EML5: variants seen among roughly 807,000 people sequenced by gnomAD.
EML5 encodes the protein echinoderm microtubule-associated protein-like 5.
A neutral mutation model predicts 250.0 loss-of-function variants in EML5; 120 were observed. That is an observed-to-expected ratio of 0.48 (90% CI 0.41 to 0.56). The LOEUF (loss-of-function observed/expected upper bound fraction) is 0.56. Among genes scored for constraint, EML5 ranks in the 20% least tolerant of loss-of-function variants. The probability of loss-of-function intolerance (pLI) is 0.00; values close to 1 mark genes in which losing one functional copy is unlikely to be tolerated. For synonymous variants in EML5, 771 were observed against 806.5 expected (o/e 0.96, Z 0.75); for missense variants, 2,006 against 2,437.6 (o/e 0.82, Z 3.73).
intron 37 of EML5, 81 bp downstream of exon 37, chr14:88,622,523 A>G (rs1419954891): frequency 1.8e-6 from 2 of 1,109,342 alleles, no homozygotes; most frequent in Non-Finnish European, 2.5e-6. Flanking sequence ...ATTGTTCATT[A>G]GGCTGCAAAG....
intron 20 of EML5, 92 bp from the exon 21 acceptor site, chr14:88,682,123 A>G: frequency 8.1e-7 from 1 of 1,239,636 alleles, no homozygotes; most frequent in South Asian, 2.7e-5. Flanking sequence ...CCATTCAATA[A>G]TATATGATAA....
In EML5 at chr14:88,660,116, A is replaced by T. The variant is rs527851983; in HGVS notation, c.3675+1538T>A. ...CATCTGGAGACCCCATCTCTACAAA[A>T]AAAAATTTTTTTTTACATTAGCCAG... On this transcript the variant is annotated intron_variant, in intron 25 of 43. Transcript: ENST00000554922. 5.3e-5 allele frequency among the ~76,000 whole-genome samples: 8 copies of T among 152,038 alleles called. No individual in the cohort carries two copies. In the South Asian group the frequency reaches 1.5e-3, roughly 28 times the overall value.
At chr14:88,661,542 A>G in intron 25 of EML5, 112 bp downstream of exon 25, 1 of 961,190 alleles carries the variant, frequency 1.0e-6, no homozygotes, top group Non-Finnish European at 1.5e-6. Flanking sequence ...TTCATATTAC[A>G]ACATTACATA....
chr14:88,627,152 G>C (rs2090037417), intron 34 of EML5, 106 bp from the exon 35 acceptor site: 2 of 1,175,030 alleles, frequency 1.7e-6, no homozygotes, highest in Non-Finnish European at 2.5e-6. Flanking sequence ...AGGCTTAGAA[G>C]AGAGGCCAAT....
intron 1 of EML5, among the ~76,000 whole-genome samples, chr14:88,766,493 G>A (rs2094321964): frequency 6.6e-6 from 1 of 152,086 alleles, no homozygotes; most frequent in Non-Finnish European, 1.5e-5. Context: ...CAGGCTTATT[G>A]GGACGAGGAA....
intron 36 of EML5, chr14:88,623,526 T>C (rs897107942): frequency 6.6e-6 from 1 of 152,098 alleles, no homozygotes; most frequent in African/African-American, 2.4e-5. Context: ...GTTCAAGCGA[T>C]TCTTCTCCTT....
Position 88,702,495 on chromosome 14 carries a change from A to G in EML5, c.2189T>C (p.Ile730Thr). Residue 730 changes from isoleucine (I) to threonine (T), a missense_variant, in exon 14 of 44, where the codon ATT (isoleucine) becomes ACT (threonine). Ile to Thr is a moderately conservative substitution (Grantham distance 89, BLOSUM62 -1). Coordinates refer to ENST00000554922, the MANE Select transcript of EML5 (RefSeq NM_183387.3). Reference sequence around the variant, plus strand: ...CAAAGGATGAATAGTTAGGCAGAGAATATCATCATCATGACCCAGATAAAA... The same window carrying G: ...CAAAGGATGAATAGTTAGGCAGAGAGTATCATCATCATGACCCAGATAAAA... ...QRFYLGHDDDILCLTIHPLKD... is the reference protein window; with the variant it reads ...QRFYLGHDDDTLCLTIHPLKD... 1 of 1,613,538 alleles carries G rather than the reference A, an allele frequency of 6.2e-7. No individual in the cohort carries two copies.
Position 88,768,437 on chromosome 14 carries a change from G to A in EML5, c.198-13766C>T, listed in dbSNP as rs138348046. Reference sequence around the variant, plus strand: ...ATTGTCTTTTTTTTTTTGAGACAGAGTTTCGCTCTGTCACCCAGGCTGGAG... The same window carrying A: ...ATTGTCTTTTTTTTTTTGAGACAGAATTTCGCTCTGTCACCCAGGCTGGAG... On this transcript the variant is annotated intron_variant, in intron 1 of 43. Transcript: ENST00000554922. Among the ~76,000 whole-genome samples, 1,148 of 151,192 alleles carry A rather than the reference G, an allele frequency of 7.6e-3. 6 individuals carry two copies. The highest frequency in any genetic ancestry group is 0.011 in the Non-Finnish European group (733 of 67,838).
chr14:88,753,976 C>CA (rs578117755), intron 2 of EML5, among the ~76,000 whole-genome samples: 53 of 143,638 alleles, frequency 3.7e-4, no homozygotes, highest in African/African-American at 7.1e-4. Flanking sequence ...CCATCTCTAC[C>CA]AAAAAAAAAA....
chr14:88,726,477 A>T, intron 8 of EML5, 64 bp downstream of exon 8: 1 of 1,405,086 alleles, frequency 7.1e-7, no homozygotes, highest in Non-Finnish European at 9.5e-7. Context: ...GCTGAAGAGA[A>T]AATTACTTAT....
chr14:88,688,585 A>C, intron 17 of EML5, 112 bp from the exon 18 acceptor site: 2 of 1,073,742 alleles, frequency 1.9e-6, no homozygotes, highest in Non-Finnish European at 2.7e-6. Flanking sequence ...AAGGCATGCA[A>C]CAGTAAGGAG....
At chr14:88,734,641 C>T (rs1450535899) in intron 7 of EML5, among the ~76,000 whole-genome samples, 1 of 152,014 alleles carries the variant, frequency 6.6e-6, no homozygotes, top group Non-Finnish European at 1.5e-5. Context: ...CTAGAAAAAA[C>T]GGAGACTACA....
In EML5 at chr14:88,658,365, C is replaced by T. The variant is rs1397907398; in HGVS notation, c.3699G>A (p.Arg1233=). 1.2e-6 allele frequency: 2 copies of T among 1,600,066 alleles called. No individual in the cohort carries two copies. The highest frequency in any genetic ancestry group is 1.1e-5 in the South Asian group (1 of 87,230). ...PTKGKFGKFK[R]YVAHSTHVTN... ...TGACATGTGTACTATGGGCCACATA[C>T]CTCTTAAACTTTCCAAATTTCCCCT... The change falls in exon 26 of 44, where the codon AGG becomes AGA. Residue 1233 remains arginine, a synonymous_variant. Transcript: ENST00000554922.
At chr14:88,714,807 T>A (rs1314805262) in intron 9 of EML5, 132 bp downstream of exon 9, 1 of 806,798 alleles carries the variant, frequency 1.2e-6, no homozygotes, top group Non-Finnish European at 1.9e-6. Context: ...TAGAAAAGTC[T>A]ACAATGCCTG....
Position 88,792,946 on chromosome 14 carries a change from GCGAGC to G in EML5, c.-448_-444del, listed in dbSNP as rs760126982. 9.9e-5 allele frequency among the ~76,000 whole-genome samples: 15 copies of G among 151,642 alleles called. No individual in the cohort carries two copies. Among genetic ancestry groups the G allele is most frequent in the East Asian group, 9.8e-4 (5 of 5,088 alleles). On this transcript the variant is annotated 5_prime_UTR_variant, in exon 1 of 44. Transcript: ENST00000554922. This position sits in a 1 kb window ranked among gnomAD's most constrained non-coding sequence, Gnocchi z 6.9. ...CCCGCGCCGCGCACCCCGAAACCGA[GCGAGC>G]CGAGCCGAGCCGAGCCGAGCGGCGG...
chr14:88,632,584 G>T (rs2090500716), intron 33 of EML5, among the ~76,000 whole-genome samples: 2 of 152,170 alleles, frequency 1.3e-5, no homozygotes, highest in South Asian at 4.1e-4. Flanking sequence ...ATGCAGGAAA[G>T]ATTTAATATA....
chr14:88,757,855 CTATT>C (rs965706854), intron 1 of EML5, among the ~76,000 whole-genome samples: 15 of 148,764 alleles, frequency 1.0e-4, no homozygotes, highest in Non-Finnish European at 1.3e-4. Context: ...TCCTTTCTTT[CTATT>C]TATTTATTTC....
intron 1 of EML5, among the ~76,000 whole-genome samples, chr14:88,762,646 C>T (rs1174906402): frequency 1.3e-5 from 2 of 152,120 alleles, no homozygotes; most frequent in African/African-American, 4.8e-5. Flanking sequence ...GAACTCAGCT[C>T]TGGACCAAGC....
chr14:88,695,758 G>C (rs903502232), intron 15 of EML5, among the ~76,000 whole-genome samples: 1 of 151,956 alleles, frequency 6.6e-6, no homozygotes, highest in African/African-American at 2.4e-5. Context: ...AAAATAGAAG[G>C]AAAGGGAAAA....
Sources: gnomAD v4.1 joint callset for allele counts (sites outside exome capture counted in the v4.1 genomes callset) on GRCh38, gnomAD v4.1.1 for gene constraint, Gnocchi (gnomAD v3.1) non-coding constraint, MANE v1.5 for transcripts, NCBI Gene and HGNC (gene_info 2026-07-23, HGNC 2026-07-21) for gene names.